WDTC1: variants seen among roughly 807,000 people sequenced by gnomAD.
WDTC1 encodes WD and tetratricopeptide repeats protein 1.
WDTC1 carries 12 observed loss-of-function variants against 76.0 expected under a neutral mutation model. That is an observed-to-expected ratio of 0.16 (90% CI 0.10 to 0.26). The LOEUF is 0.26. WDTC1 is among the 10% of genes least tolerant of loss of function. WDTC1 has a pLI of 1.00. For missense variants in WDTC1, 511 were observed against 908.8 expected (o/e 0.56, Z 5.63); for synonymous variants, 326 against 350.8 (o/e 0.93, Z 0.79).
intron 3 of WDTC1, among the ~76,000 whole-genome samples, chr1:27,280,050 CACAG>C (rs1268438580): frequency 6.6e-6 from 1 of 152,174 alleles, no homozygotes; most frequent in Non-Finnish European, 1.5e-5. Flanking sequence ...GAGCCTGAGA[CACAG>C]AGAGGTTAAA....
chr1:27,258,810 G>A (rs1196244308), intron 1 of WDTC1, among the ~76,000 whole-genome samples: 1 of 152,318 alleles, frequency 6.6e-6, no homozygotes, highest in Non-Finnish European at 1.5e-5. Flanking sequence ...GGTGAAAAAC[G>A]TGATTTCAGT....
intron 1 of WDTC1, among the ~76,000 whole-genome samples, chr1:27,241,039 A>G (rs2011618380): frequency 6.6e-6 from 1 of 151,886 alleles, no homozygotes; most frequent in African/African-American, 2.4e-5. Context: ...GCCAGAGTGT[A>G]TAGGAGGCAG....
In WDTC1 at chr1:27,292,206, C is replaced by T; in HGVS notation, c.480-9C>T. 2 of 1,550,424 alleles carry T rather than the reference C, an allele frequency of 1.3e-6. No individual in the cohort carries two copies. The highest frequency in any genetic ancestry group is 1.8e-6 in the Non-Finnish European group (2 of 1,142,772). On this transcript the variant is annotated splice_polypyrimidine_tract_variant and intron_variant, in intron 6 of 15. Coordinates refer to ENST00000319394, the MANE Select transcript of WDTC1 (RefSeq NM_001276252.2). The stretch of plus-strand genomic sequence containing the variant: ...AGCCCCAATTCCCTAACTCTGTCCT[C>T]TCTCACAGCCAGTATGACCTTCGAG...
At chr1:27,258,915 G>A (rs2012380077) in intron 1 of WDTC1, among the ~76,000 whole-genome samples, 1 of 152,130 alleles carries the variant, frequency 6.6e-6, no homozygotes, top group Non-Finnish European at 1.5e-5. Context: ...CCTGAGAGCC[G>A]TCTTCTGAGC....
chr1:27,234,496 T>G (rs941615543), upstream of WDTC1: 2 of 330,314 alleles, frequency 6.1e-6, no homozygotes, highest in African/African-American at 2.1e-5. Context: ...GCAGCAGACG[T>G]TGACCGGGCG....
intron 9 of WDTC1, 124 bp from the exon 10 acceptor site, chr1:27,296,202 T>C (rs1244685529): frequency 1.7e-6 from 2 of 1,153,754 alleles, no homozygotes; most frequent in African/African-American, 1.5e-5. Flanking sequence ...AGCTTGATTG[T>C]TCTATGCTCA....
In WDTC1 at chr1:27,239,810, CA is replaced by C. The variant is rs532939885; in HGVS notation, c.-100+4875del. Among the ~76,000 whole-genome samples, 607 of 60,790 alleles carry C rather than the reference CA, an allele frequency of 1.0e-2. 1 individual carries two copies. The highest frequency in any genetic ancestry group is 0.026 in the African/African-American group (439 of 16,604). 39.9% of individuals were successfully genotyped at this position (60,790 alleles called of 152,430 possible). A position where few individuals can be genotyped will look rare whatever the true frequency, so the allele number is the denominator to read the frequency against. ...TGGGGGACAGAGTGAGACTCTGTCT[CA>C]AAAAAAAAAAAAAAACCAAAAAAAC... On this transcript the variant is annotated intron_variant, in intron 1 of 15. Transcript: ENST00000319394.
In WDTC1 at chr1:27,307,384, TC is replaced by T; in HGVS notation, c.*1004del. 6.5e-6 allele frequency: 1 copy of T among 152,960 alleles called. No individual in the cohort carries two copies. The highest frequency in any genetic ancestry group is 1.5e-5 in the Non-Finnish European group (1 of 68,342). 9.5% of individuals were successfully genotyped at this position (152,960 alleles called of 1,614,324 possible). ...ATGGGAAAGTCCCTTACTCGGCCCC[TC>T]CCTCCCCAGCAGCCCCAAGCTTTAC... On this transcript the variant is annotated 3_prime_UTR_variant, in exon 16 of 16. Transcript: ENST00000319394. The surrounding 1 kb of genome is among the most constrained non-coding windows in gnomAD (Gnocchi z 4.1).
At chr1:27,259,619 C>G (rs572908164) in intron 1 of WDTC1, among the ~76,000 whole-genome samples, 1 of 152,216 alleles carries the variant, frequency 6.6e-6, no homozygotes, top group African/African-American at 2.4e-5. Context: ...CAGCACTGCA[C>G]CACCACACCT....
At chr1:27,236,404 C>T (rs2011490741) in intron 1 of WDTC1, among the ~76,000 whole-genome samples, 1 of 152,186 alleles carries the variant, frequency 6.6e-6, no homozygotes. Flanking sequence ...TGGAGTCCTG[C>T]TCTCCTTTCC....
chr1:27,295,758 A>G (rs1431226447), intron 9 of WDTC1, among the ~76,000 whole-genome samples: 4 of 151,190 alleles, frequency 2.6e-5, no homozygotes, highest in Non-Finnish European at 5.9e-5. Flanking sequence ...CTGACCTTCT[A>G]TTTTGTTTGT....
At chr1:27,249,266 CA>C (rs71010343) in intron 1 of WDTC1, among the ~76,000 whole-genome samples, 33 of 140,192 alleles carry the variant, frequency 2.4e-4, no homozygotes, top group Admixed American at 3.6e-4. Context: ...GAGACTGTCT[CA>C]AAAAAAAAAA....
chr1:27,235,492 G>A (rs72880883), intron 1 of WDTC1, among the ~76,000 whole-genome samples: 8,157 of 151,048 alleles, frequency 0.054, 785 homozygotes, highest in African/African-American at 0.19. Flanking sequence ...CTGCCAAGGT[G>A]TTTCCACCAG....
At chr1:27,289,244 A>T (rs1314356290) in intron 6 of WDTC1, among the ~76,000 whole-genome samples, 1 of 146,586 alleles carries the variant, frequency 6.8e-6, no homozygotes, top group Non-Finnish European at 1.5e-5. Flanking sequence ...TGCCGGGCGG[A>T]GAGGCTCCTC....
At chr1:27,235,364 C>G (rs1445313073) in intron 1 of WDTC1, among the ~76,000 whole-genome samples, 1 of 150,746 alleles carries the variant, frequency 6.6e-6, no homozygotes, top group Non-Finnish European at 1.5e-5. Context: ...GCTTCTCGCT[C>G]TCTCTCTTTC....
chr1:27,246,625 G>C (rs1464770622), intron 1 of WDTC1, among the ~76,000 whole-genome samples: 3 of 151,442 alleles, frequency 2.0e-5, no homozygotes, highest in Non-Finnish European at 1.5e-5. Context: ...GCAATGGCAC[G>C]ATCTGGGCTT....
At chr1:27,294,753 T>A (rs2013638959) in intron 9 of WDTC1, 124 bp downstream of exon 9, 1 of 777,114 alleles carries the variant, frequency 1.3e-6, no homozygotes, top group African/African-American at 1.7e-5. Context: ...TGATGTTACA[T>A]TGAAATGTGG....
At chr1:27,282,631 T>C (rs1280898692) in intron 4 of WDTC1, among the ~76,000 whole-genome samples, 2 of 151,878 alleles carry the variant, frequency 1.3e-5, no homozygotes, top group Admixed American at 6.6e-5. Context: ...GCCTCCCAAG[T>C]AACTGGGACT....
rs1322763278 is a variant in WDTC1, at chr1:27,277,041, T to A, written c.133-5198T>A. ...AAATTCAATTTATGTTTTATTTTTT[T>A]TTTTTAATTGATATGGGATCTGTCT... On this transcript the variant is annotated intron_variant, in intron 3 of 15. Transcript: ENST00000319394. Among the ~76,000 whole-genome samples the A allele has an allele frequency of 3.9e-5, 6 of 152,222 alleles. No individual in the cohort carries two copies. In the East Asian group the frequency reaches 1.2e-3, roughly 29 times the overall value.
Sources: allele counts gnomAD v4.1 joint callset (sites outside exome capture counted in the v4.1 genomes callset), GRCh38; gene constraint gnomAD v4.1.1; non-coding constraint Gnocchi (gnomAD v3.1); transcripts MANE v1.5; gene names NCBI Gene and HGNC (gene_info 2026-07-23, HGNC 2026-07-21).